Variants in PLXNB2 observed in about 807,000 individuals in gnomAD.
PLXNB2 encodes the protein plexin B2, also known as plexin-B2.
In PLXNB2, 85 loss-of-function variants were observed where a neutral mutation model predicts 202.6. The ratio of observed to expected loss-of-function variants is 0.42; its 90% CI spans 0.35 to 0.50. The LOEUF (loss-of-function observed/expected upper bound fraction) is 0.50, where lower values mean the gene tolerates loss of function less well. PLXNB2 is among the 20% of genes least tolerant of loss of function. The pLI is 0.02. For missense variants in PLXNB2, 2,063 were observed against 2,586.2 expected, an observed-to-expected ratio of 0.80 and a Z score of 4.39; for synonymous variants, 1,239 against 1,137.6, an observed-to-expected ratio of 1.09 and a Z score of -1.79.
chr22:50,290,600 G>A lies in PLXNB2; in HGVS notation c.-13-3C>T, dbSNP rs1429884633. On this transcript the variant is annotated splice_polypyrimidine_tract_variant and splice_region_variant and intron_variant, in intron 2 of 36. Coordinates refer to ENST00000359337, the MANE Select transcript of PLXNB2 (RefSeq NM_012401.4). ...GCAGTGCCATTGCCCCCCGCACCCTGTGGGAAGAGAGAAGGGTCAGGGGAG... is the reference window on the plus strand; with the variant it reads ...GCAGTGCCATTGCCCCCCGCACCCTATGGGAAGAGAGAAGGGTCAGGGGAG... 1.9e-6 allele frequency: 3 copies of A among 1,583,958 alleles called. No homozygotes were observed. The highest frequency in any genetic ancestry group is 2.6e-6 in the Non-Finnish European group (3 of 1,167,042).
In PLXNB2 at chr22:50,277,642, G is replaced by A. The variant is rs375303614; in HGVS notation, c.5145C>T (p.Ile1715=). Residue 1715 remains isoleucine (I), a synonymous_variant, in exon 33 of 37, where the codon ATC becomes ATT. Coordinates refer to ENST00000359337, the MANE Select transcript of PLXNB2 (RefSeq NM_012401.4). The stretch of plus-strand genomic sequence containing the variant: ...TGCAGGCATCCATGAAGGTCTGCGC[G>A]ATGACTGACAGCGAGGCGTCCACCA... The part of the protein sequence containing the change: ...HEVVDASLSV[I]AQTFMDACTR... 1.2e-5 allele frequency: 19 copies of A among 1,607,946 alleles called. No homozygotes were observed. The highest frequency in any genetic ancestry group is 1.6e-4 in the Middle Eastern group (1 of 6,074).
Position 50,290,469 on chromosome 22 carries a change from A to C in PLXNB2, c.116T>G (p.Val39Gly), listed in dbSNP as rs758332139. Residue 39 changes from valine to glycine, a missense_variant, in exon 3 of 37, where the codon GTG becomes GGG. Coordinates refer to ENST00000359337, the MANE Select transcript of PLXNB2 (RefSeq NM_012401.4). ...GTACACCACGCCTGAGGCCTCATCCACAGCCAGGTGGTTCAGCTCTTTCTC... is the reference window on the plus strand; with the variant it reads ...GTACACCACGCCTGAGGCCTCATCCCCAGCCAGGTGGTTCAGCTCTTTCTC... ...RSEKELNHLA[V>G]DEASGVVYLG... is the part of the protein sequence containing the mutation. 1 of 1,612,868 alleles carries C rather than the reference A, an allele frequency of 6.2e-7. No homozygotes were observed. The highest frequency in any genetic ancestry group is 8.5e-7 in the Non-Finnish European group (1 of 1,179,992).
Position 50,282,262 on chromosome 22 carries a change from C to G in PLXNB2, c.3039G>C (p.Arg1013Ser), listed in dbSNP as rs778706365. ...VTGQGFSLIQ[R>S]FAMVVIAEPL... ...GCTCCGCGATGACCACCATGGCAAA[C>G]CTCTGGATCAGGCTGAAGCCCTGAC... The change falls in exon 19 of 37, where the codon AGG becomes AGC. Residue 1013 changes from arginine (R) to serine (S), a missense_variant. Transcript: ENST00000359337. 3.7e-6 allele frequency: 6 copies of G among 1,612,320 alleles called. No homozygotes were observed. Among genetic ancestry groups the G allele is most frequent in the Non-Finnish European group, 5.1e-6 (6 of 1,179,864 alleles).
At position 50,281,484 on chromosome 22, in the gene PLXNB2, G is replaced by A. The variant is rs372197536; in HGVS notation, c.3538C>T (p.Arg1180Cys). Residue 1180 changes from arginine (R) to cysteine (C), a missense_variant, in exon 22 of 37, where the codon CGC (arginine) becomes TGC (cysteine). By Grantham distance (180) the Arg-to-Cys change is radical. Around this residue, in one of 2 missense-constraint regions of PLXNB2, gnomAD observed 760 missense variants for 1,109.4 expected, o/e 0.69. Coordinates refer to ENST00000359337, the MANE Select transcript of PLXNB2 (RefSeq NM_012401.4). ...LPEFIVKFGS[R>C]EWVLGRVEYD... Reference sequence around the variant, plus strand: ...TCCACGCGGCCCAGCACCCACTCGCGAGAGCCGAACTTCACCTGTGTGGGG... The same window carrying A: ...TCCACGCGGCCCAGCACCCACTCGCAAGAGCCGAACTTCACCTGTGTGGGG... The A allele has an allele frequency of 3.7e-6, 6 of 1,611,928 alleles. No homozygotes were observed. Among genetic ancestry groups the A allele is most frequent in the Admixed American group, 1.7e-5 (1 of 59,968 alleles).
At chr22:50,282,153 G>C (rs745710948) in intron 19 of PLXNB2, 31 bp downstream of exon 19, 2 of 1,604,720 alleles carry the variant, frequency 1.2e-6, no homozygotes, top group South Asian at 1.1e-5. Context: ...CCATGGGCCG[G>C]TGCCAGAGCT....
chr22:50,277,506 C>A (rs1601673930), intron 33 of PLXNB2, 85 bp downstream of exon 33: 2 of 1,353,730 alleles, frequency 1.5e-6, no homozygotes, highest in East Asian at 4.7e-5. Context: ...CAAATCCACA[C>A]CCCAGACAAG....
At position 50,288,882 on chromosome 22, in the gene PLXNB2, G is replaced by A. The variant is rs367917173; in HGVS notation, c.1252-11C>T. On this transcript the variant is annotated splice_polypyrimidine_tract_variant and intron_variant, in intron 4 of 36. Transcript: ENST00000359337. This position sits in a 1 kb window ranked among gnomAD's most constrained non-coding sequence, Gnocchi z 5.0. ...TGGGGTGAGGTACACCTGTGTGCGC[G>A]AGGGCAGGCCGGTGAGGGTACGGGC... The A allele has an allele frequency of 2.0e-5, 33 of 1,613,174 alleles. 1 individual carries two copies. In the Admixed American group the frequency reaches 2.8e-4, roughly 14 times the overall value.
In PLXNB2 at chr22:50,281,715, G is replaced by A. The variant is rs1273495680; in HGVS notation, c.3373C>T (p.Leu1125=). ...RGTNLNKAMT[L]QEAEAFVGAE... is the part of the protein sequence containing the mutation. ...CCCACGAAGGCCTCGGCCTCCTGCA[G>A]CGTCATCGCCTTGTTCAGATTGGTG... The change falls in exon 21 of 37, where the codon CTG becomes TTG. Residue 1125 remains leucine (L), a synonymous_variant. Coordinates refer to ENST00000359337, the MANE Select transcript of PLXNB2 (RefSeq NM_012401.4). 1.3e-6 allele frequency: 2 copies of A among 1,561,578 alleles called. No homozygotes were observed. Among genetic ancestry groups the A allele is most frequent in the Non-Finnish European group, 1.7e-6 (2 of 1,152,058 alleles).
intron 33 of PLXNB2, among the ~76,000 whole-genome samples, chr22:50,277,333 A>G (rs1319916528): frequency 1.3e-5 from 2 of 151,282 alleles, no homozygotes; most frequent in Non-Finnish European, 2.9e-5. Flanking sequence ...TTATTTTGTG[A>G]TCTGTAGTAA....
In PLXNB2 at chr22:50,276,808, A is replaced by C. The variant is rs536849366; in HGVS notation, c.5261+34T>G. 2.5e-4 allele frequency: 394 copies of C among 1,600,298 alleles called. 2 individuals are homozygous for C. In the East Asian group the frequency reaches 5.3e-3, roughly 22 times the overall value. ...TCCCCGCAGGGGGTCGAGGGTGGGC[A>C]TGGGGGCCTGGCCTGGAGGGCAGGC... On this transcript the variant is annotated intron_variant, in intron 34 of 36. Transcript: ENST00000359337.
rs1393993397 is a variant in PLXNB2, at chr22:50,290,495, G to A, written c.90C>T (p.Ser30=). The change falls in exon 3 of 37, where the codon AGC becomes AGT. Residue 30 remains serine, a synonymous_variant. Coordinates refer to ENST00000359337, the MANE Select transcript of PLXNB2 (RefSeq NM_012401.4). ...CAGCCAGGTGGTTCAGCTCTTTCTC[G>A]CTGCGGAAGAAGTCCAGCTTGCGGG... ...LRPRKLDFFR[S]EKELNHLAVD... is the part of the protein sequence containing the mutation. 14 of 1,612,810 alleles carry A rather than the reference G, an allele frequency of 8.7e-6. No homozygotes were observed. The highest frequency in any genetic ancestry group is 3.3e-5 in the Admixed American group (2 of 60,012).
intron 1 of PLXNB2, chr22:50,301,421 G>A (rs1040118860): frequency 4.1e-6 from 4 of 984,384 alleles, no homozygotes; most frequent in South Asian, 9.4e-5. Context: ...ACACGAGGCC[G>A]ATGGCTACAG....
chr22:50,299,432 C>A (rs2067520890), intron 1 of PLXNB2, among the ~76,000 whole-genome samples: 2 of 152,330 alleles, frequency 1.3e-5, no homozygotes, highest in African/African-American at 4.8e-5. Context: ...CACAGAAAAG[C>A]CACGGAGGCC....
At chr22:50,278,087 G>A (rs773153452) in intron 31 of PLXNB2, 30 bp downstream of exon 31, 3 of 1,601,880 alleles carry the variant, frequency 1.9e-6, no homozygotes, top group African/African-American at 2.7e-5. Context: ...GTGGCGGCCT[G>A]GTGCCGCCCA....
intron 2 of PLXNB2, 88 bp downstream of exon 2, chr22:50,294,631 A>G (rs1242919627): frequency 2.3e-6 from 1 of 434,610 alleles, no homozygotes; most frequent in African/African-American, 2.1e-5. Flanking sequence ...AGAGCCTTGC[A>G]GACACCACAT....
In PLXNB2 at chr22:50,288,912, T is replaced by A. The variant is rs369429184; in HGVS notation, c.1252-41A>T. 2.1e-4 allele frequency: 337 copies of A among 1,610,356 alleles called. 1 individual carries two copies. The highest frequency in any genetic ancestry group is 6.7e-5 in the Admixed American group (4 of 59,918). On this transcript the variant is annotated intron_variant, in intron 4 of 36. Transcript: ENST00000359337. The surrounding 1 kb of genome is among the most constrained non-coding windows in gnomAD (Gnocchi z 5.0). ...CAGGCCGGTGAGGGTACGGGCCTTG[T>A]GCACAGACGGGCCCTCCAGAGCCTC...
Position 50,284,510 on chromosome 22 carries a change from A to ACCCCC in PLXNB2, c.2181+58_2181+62dup. On this transcript the variant is annotated intron_variant, in intron 12 of 36. Coordinates refer to ENST00000359337, the MANE Select transcript of PLXNB2 (RefSeq NM_012401.4). The surrounding 1 kb of genome is among the most constrained non-coding windows in gnomAD (Gnocchi z 8.0). ...CCCTCCCCTCACAGTCCTGAAGGTGACCCCCCACCCCACCCGGGGCCCTGG... is the reference window on the plus strand; with the variant it reads ...CCCTCCCCTCACAGTCCTGAAGGTGACCCCCCCCCCCACCCCACCCGGGGCCCTGG... The ACCCCC allele has an allele frequency of 3.3e-6, 4 of 1,209,550 alleles. No individual in the cohort carries two copies. In the East Asian group the frequency reaches 1.0e-4, roughly 32 times the overall value. 74.9% of individuals were successfully genotyped at this position (1,209,550 alleles called of 1,614,324 possible).
rs375291732 is a variant in PLXNB2, at chr22:50,278,933, C to T, written c.4468G>A (p.Val1490Ile). ...ACCTGGTCAATGATCTTCTCCTTGACCTGGGAGATGGTGTCACAGTTGAGG... is the reference window on the plus strand; with the variant it reads ...ACCTGGTCAATGATCTTCTCCTTGATCTGGGAGATGGTGTCACAGTTGAGG... ...KVLNCDTISQ[V>I]KEKIIDQVYR... The change falls in exon 28 of 37, where the codon GTC becomes ATC. Residue 1490 changes from valine (V) to isoleucine (I), a missense_variant. Val to Ile is a conservative substitution (Grantham distance 29, BLOSUM62 3). Transcript: ENST00000359337. 3.3e-5 allele frequency: 53 copies of T among 1,613,620 alleles called. No homozygotes were observed. The highest frequency in any genetic ancestry group is 4.4e-5 in the Non-Finnish European group (52 of 1,179,888).
In PLXNB2 at chr22:50,297,129, T is replaced by G. The variant is rs1344187878; in HGVS notation, c.-73-2351A>C. On this transcript the variant is annotated intron_variant, in intron 1 of 36. Transcript: ENST00000359337. This position sits in a 1 kb window ranked among gnomAD's most constrained non-coding sequence, Gnocchi z 5.3. ...TGAGAAAGCTGGGACCCGCGGGGAC[T>G]GGAGACTGCAGCTCCCGACGGAGGT... is the stretch of plus-strand genomic sequence containing the variant. 2.0e-5 allele frequency among the ~76,000 whole-genome samples: 3 copies of G among 152,168 alleles called. No individual in the cohort carries two copies. The South Asian group carries it at 6.2e-4, about 32-fold the overall frequency.
Sources: gnomAD v4.1 joint callset for allele counts (sites outside exome capture counted in the v4.1 genomes callset) on GRCh38, gnomAD v4.1.1 for gene constraint, gnomAD v4.1.1 regional missense constraint, Gnocchi (gnomAD v3.1) non-coding constraint, MANE v1.5 for transcripts, NCBI Gene and HGNC (gene_info 2026-07-23, HGNC 2026-07-21) for gene names.